The following TENM2 variants were observed in gnomAD, a reference collection of about 807,000 sequenced individuals.
TENM2 encodes teneurin-2.
A neutral mutation model predicts 245.2 loss-of-function variants in TENM2; 52 were observed. The ratio of observed to expected loss-of-function variants is 0.21; its 90% CI spans 0.17 to 0.27. TENM2 has a LOEUF of 0.27. Ranked by LOEUF, TENM2 falls within the 10% of genes least tolerant of loss-of-function variation. The pLI is 1.00. For synonymous variants in TENM2, 1,363 were observed against 1,438.9 expected (o/e 0.95, Z 1.19); for missense variants, 3,046 against 3,666.8 (o/e 0.83, Z 4.37).
intron 2 of TENM2, among the ~76,000 whole-genome samples, chr5:167,387,778 T>C (rs1202534359): frequency 6.6e-6 from 1 of 152,164 alleles, no homozygotes; most frequent in African/African-American, 2.4e-5. Context: ...GAGATGATCA[T>C]GTGATTTTTG....
In TENM2 at chr5:167,636,637, T is replaced by C. The variant is rs10475858; in HGVS notation, c.503-239349T>C. Among the ~76,000 whole-genome samples, 1,188 of 152,310 alleles carry C rather than the reference T, an allele frequency of 7.8e-3. 22 individuals are homozygous for C. Among genetic ancestry groups the C allele is most frequent in the African/African-American group, 0.027 (1,139 of 41,564 alleles). On this transcript the variant is annotated intron_variant, in intron 2 of 28. Transcript: ENST00000518659. ...CATCCATTCATTTACTTAACATTTA[T>C]TGAATGCTTATTTTGCACCACAGTC...
chr5:167,572,597 G>A (rs929229042), intron 2 of TENM2, among the ~76,000 whole-genome samples: 2 of 152,086 alleles, frequency 1.3e-5, no homozygotes, highest in African/African-American at 4.8e-5. Flanking sequence ...CCAAATAGTT[G>A]ACCTTGGAAC....
At chr5:167,542,158 G>A (rs1772253297) in intron 2 of TENM2, among the ~76,000 whole-genome samples, 1 of 152,074 alleles carries the variant, frequency 6.6e-6, no homozygotes, top group Admixed American at 6.6e-5. Flanking sequence ...AGCCCTTGAG[G>A]TCTCTCACCA....
intron 2 of TENM2, among the ~76,000 whole-genome samples, chr5:167,425,067 A>T (rs549042124): frequency 1.3e-5 from 2 of 152,328 alleles, no homozygotes; most frequent in East Asian, 3.9e-4. Context: ...TAGAATATAG[A>T]TGGCTTTATA....
intron 2 of TENM2, among the ~76,000 whole-genome samples, chr5:167,581,131 T>C (rs1256005412): frequency 1.3e-5 from 2 of 152,234 alleles, no homozygotes; most frequent in Non-Finnish European, 2.9e-5. Flanking sequence ...AATAGTGTAC[T>C]CTTCTGTCAT....
chr5:167,598,290 G>C (rs1776362071), intron 2 of TENM2, among the ~76,000 whole-genome samples: 1 of 152,204 alleles, frequency 6.6e-6, no homozygotes, highest in South Asian at 2.1e-4. Context: ...TGAAGGGATA[G>C]TGCCTGCTTT....
intron 2 of TENM2, among the ~76,000 whole-genome samples, chr5:167,403,046 C>A (rs1762446358): frequency 1.3e-5 from 2 of 152,014 alleles, no homozygotes; most frequent in South Asian, 2.1e-4. Flanking sequence ...TTATGAGGAA[C>A]AAGAGAGAAT....
At chr5:167,064,046 A>C in the TENM2 span, among the ~76,000 whole-genome samples, 1 of 152,178 alleles carries the variant, frequency 6.6e-6, no homozygotes. Flanking sequence ...TTTGTCACCC[A>C]GCAGGTGTAA....
intron 2 of TENM2, among the ~76,000 whole-genome samples, chr5:167,665,918 C>A (rs2150337310): frequency 6.6e-6 from 1 of 152,212 alleles, no homozygotes; most frequent in African/African-American, 2.4e-5. Flanking sequence ...ATTCTCATTC[C>A]TCTCCTGCAA....
chr5:168,200,380 A>T (rs985703011), intron 17 of TENM2, among the ~76,000 whole-genome samples: 3 of 152,178 alleles, frequency 2.0e-5, no homozygotes, highest in Admixed American at 6.5e-5. Flanking sequence ...AGTAAATGAT[A>T]TATATTGGGG....
chr5:167,025,412 T>G, the TENM2 span, among the ~76,000 whole-genome samples: 1 of 152,196 alleles, frequency 6.6e-6, no homozygotes, highest in East Asian at 1.9e-4. Context: ...ATATACAAGT[T>G]GTTCATCACA....
intron 2 of TENM2, among the ~76,000 whole-genome samples, chr5:167,482,669 A>G (rs191264821): frequency 1.3e-5 from 2 of 152,316 alleles, no homozygotes; most frequent in African/African-American, 4.8e-5. Flanking sequence ...CTAATCGTAC[A>G]GCAGTATTTA....
At chr5:168,177,725 T>C (rs1759483172) in intron 13 of TENM2, among the ~76,000 whole-genome samples, 1 of 152,226 alleles carries the variant, frequency 6.6e-6, no homozygotes, top group African/African-American at 2.4e-5. Context: ...TAGTCCCAGC[T>C]ACTCAGCAGG....
the TENM2 span, among the ~76,000 whole-genome samples, chr5:167,064,046 A>T: frequency 6.6e-6 from 1 of 152,178 alleles, no homozygotes; most frequent in African/African-American, 2.4e-5. Context: ...TTTGTCACCC[A>T]GCAGGTGTAA....
At chr5:167,938,942 CA>C (rs57042901) in intron 3 of TENM2, among the ~76,000 whole-genome samples, 22,062 of 105,058 alleles carry the variant, frequency 0.21, 2,538 homozygotes, top group African/African-American at 0.39. Flanking sequence ...GACTCCGTCT[CA>C]AAAAAAAAAA....
At chr5:168,008,940 C>T (rs986367809) in intron 5 of TENM2, among the ~76,000 whole-genome samples, 4 of 152,088 alleles carry the variant, frequency 2.6e-5, no homozygotes, top group African/African-American at 7.2e-5. Flanking sequence ...GCCTTTGATC[C>T]AATAAAACCC....
intron 3 of TENM2, among the ~76,000 whole-genome samples, chr5:167,903,083 G>T (rs918557728): frequency 6.6e-6 from 1 of 152,072 alleles, no homozygotes; most frequent in Non-Finnish European, 1.5e-5. Flanking sequence ...TGTACCCCAT[G>T]AATATGTACA....
intron 3 of TENM2, among the ~76,000 whole-genome samples, chr5:167,907,569 A>G (rs867734297): frequency 4.4e-4 from 48 of 108,230 alleles, no homozygotes; most frequent in East Asian, 2.0e-3. Context: ...ATATATATAT[A>G]TATGTATGTA....
At chr5:167,808,503 G>T (rs546551274) in intron 2 of TENM2, among the ~76,000 whole-genome samples, 3 of 152,174 alleles carry the variant, frequency 2.0e-5, no homozygotes, top group East Asian at 3.9e-4. Flanking sequence ...CAGGTGATCA[G>T]CCTACCTCAG....
Sources: allele counts gnomAD v4.1 joint callset (sites outside exome capture counted in the v4.1 genomes callset), GRCh38; gene constraint gnomAD v4.1.1; transcripts MANE v1.5; gene names NCBI Gene and HGNC (gene_info 2026-07-23, HGNC 2026-07-21).